SORCS3: variants seen among roughly 807,000 people sequenced by gnomAD.
SORCS3 encodes VPS10 domain-containing receptor SorCS3.
A neutral mutation model predicts 146.3 loss-of-function variants in SORCS3; 57 were observed. That is an observed-to-expected ratio of 0.39 (90% CI 0.31 to 0.49). The LOEUF (loss-of-function observed/expected upper bound fraction) is 0.49, where lower values mean the gene tolerates loss of function less well. Ranked by LOEUF, SORCS3 falls within the 20% of genes least tolerant of loss-of-function variation. SORCS3 has a pLI of 0.92. For synonymous variants in SORCS3, 653 were observed against 618.5 expected, an observed-to-expected ratio of 1.06 and a Z score of -0.83; for missense variants, 1,341 against 1,575.5, an observed-to-expected ratio of 0.85 and a Z score of 2.52.
chr10:105,117,011 C>A (rs940736187), intron 7 of SORCS3, among the ~76,000 whole-genome samples: 8 of 151,924 alleles, frequency 5.3e-5, no homozygotes, highest in African/African-American at 1.9e-4. Context: ...TATAACAAAC[C>A]TGTGCATGTA....
chr10:104,771,191 A>G (rs1231374022), intron 1 of SORCS3, among the ~76,000 whole-genome samples: 1 of 152,224 alleles, frequency 6.6e-6, no homozygotes, highest in Non-Finnish European at 1.5e-5. Context: ...GCAGACTCTC[A>G]GGCCCCACTC....
chr10:104,876,748 T>TTCC, intron 2 of SORCS3, among the ~76,000 whole-genome samples: 1 of 133,906 alleles, frequency 7.5e-6, no homozygotes, highest in African/African-American at 3.0e-5. Flanking sequence ...CCTTCCTTCC[T>TTCC]TTCTTTCTTT....
At chr10:104,830,486 G>A (rs915021897) in intron 1 of SORCS3, among the ~76,000 whole-genome samples, 4 of 152,104 alleles carry the variant, frequency 2.6e-5, no homozygotes, top group African/African-American at 7.2e-5. Flanking sequence ...CTGTGCTGCT[G>A]GTTACTGAGA....
At chr10:104,836,582 T>G (rs1230362809) in intron 1 of SORCS3, among the ~76,000 whole-genome samples, 1 of 152,194 alleles carries the variant, frequency 6.6e-6, no homozygotes, top group Admixed American at 6.5e-5. Context: ...ATTGTCACCT[T>G]ATTTATGGTG....
chr10:104,914,021 G>A (rs1157414473), intron 2 of SORCS3, among the ~76,000 whole-genome samples: 3 of 152,014 alleles, frequency 2.0e-5, no homozygotes, highest in East Asian at 1.9e-4. Context: ...CACCCACCTC[G>A]GCCTCCCAAA....
chr10:104,861,879 T>C (rs1303371343), intron 2 of SORCS3, among the ~76,000 whole-genome samples: 2 of 152,140 alleles, frequency 1.3e-5, no homozygotes, highest in Non-Finnish European at 2.9e-5. Flanking sequence ...CCCCAGCTCC[T>C]GGTGGTTTGC....
chr10:104,718,985 G>T (rs1281438828), intron 1 of SORCS3, among the ~76,000 whole-genome samples: 1 of 151,936 alleles, frequency 6.6e-6, no homozygotes, highest in Admixed American at 6.6e-5. Context: ...TCATAGCCAA[G>T]TTAAAAAAGG....
At chr10:104,953,737 T>A (rs1264916166) in intron 3 of SORCS3, among the ~76,000 whole-genome samples, 1 of 152,224 alleles carries the variant, frequency 6.6e-6, no homozygotes, top group African/African-American at 2.4e-5. Context: ...TATTACTGCA[T>A]TTAGACGTAT....
chr10:104,900,872 C>A, intron 2 of SORCS3, among the ~76,000 whole-genome samples: 1 of 120,640 alleles, frequency 8.3e-6, no homozygotes, highest in Non-Finnish European at 1.6e-5. Context: ...CCAGTGTGGG[C>A]GACAGAGCAA....
chr10:104,814,313 C>A, intron 1 of SORCS3, among the ~76,000 whole-genome samples: 1 of 152,174 alleles, frequency 6.6e-6, no homozygotes, highest in East Asian at 1.9e-4. Context: ...CTTTCCCACT[C>A]CAAAGGCACA....
intron 24 of SORCS3, 40 bp from the exon 25 acceptor site, chr10:105,256,779 A>G (rs2056933865): frequency 6.7e-7 from 1 of 1,497,506 alleles, no homozygotes; most frequent in Non-Finnish European, 9.3e-7. Flanking sequence ...CTTCCAAGTG[A>G]GCATATCTGT....
rs876599 is a variant in SORCS3 at position 105,095,154 on chromosome 10, G to A, written c.1093+5315G>A. Among the ~76,000 whole-genome samples, 62 of 152,256 alleles carry A rather than the reference G, an allele frequency of 4.1e-4. No homozygotes were observed. The South Asian group carries it at 0.011, about 26-fold the overall frequency. On this transcript the variant is annotated intron_variant, in intron 6 of 26. Coordinates refer to ENST00000369701, the MANE Select transcript of SORCS3 (RefSeq NM_014978.3). Reference sequence around the variant, plus strand: ...ATTTAAGATACAGGAAGAGATAGATGAAAAGCTAGGACTCATTTCAGCTCA... The same window carrying A: ...ATTTAAGATACAGGAAGAGATAGATAAAAAGCTAGGACTCATTTCAGCTCA...
chr10:104,813,387 G>T (rs1209412151), intron 1 of SORCS3, among the ~76,000 whole-genome samples: 1 of 152,150 alleles, frequency 6.6e-6, no homozygotes, highest in Admixed American at 6.5e-5. Context: ...ACAAGACTCA[G>T]TCACCCCTAC....
rs1589711765 is a variant in SORCS3 at position 105,252,629 on chromosome 10, G to C, written c.3106-146G>C. 7.9e-6 allele frequency: 7 copies of C among 887,892 alleles called. No individual in the cohort carries two copies. The East Asian group carries it at 1.8e-4, about 23-fold the overall frequency. The allele number at this position is 887,892 out of a possible 1,614,324, so 55.0% of individuals were successfully genotyped here. On this transcript the variant is annotated intron_variant, in intron 22 of 26. Coordinates refer to ENST00000369701, the MANE Select transcript of SORCS3 (RefSeq NM_014978.3). ...GGTCTAAGGGAAAAACTGAAAGAAAGCCTGAATGTATATTGGAGCCTGTGC... is the reference window on the plus strand; with the variant it reads ...GGTCTAAGGGAAAAACTGAAAGAAACCCTGAATGTATATTGGAGCCTGTGC...
At chr10:104,647,204 C>T (rs753684558) in intron 1 of SORCS3, among the ~76,000 whole-genome samples, 2 of 152,052 alleles carry the variant, frequency 1.3e-5, no homozygotes, top group African/African-American at 2.4e-5. Flanking sequence ...ATGTATGTCC[C>T]GGGTCTACTT....
intron 1 of SORCS3, among the ~76,000 whole-genome samples, chr10:104,792,616 G>A (rs951100411): frequency 6.6e-6 from 1 of 152,114 alleles, no homozygotes; most frequent in African/African-American, 2.4e-5. Context: ...CCTGCTTCGG[G>A]AAGTAAAATT....
At chr10:104,888,596 TG>T (rs2018717397) in intron 2 of SORCS3, among the ~76,000 whole-genome samples, 1 of 152,216 alleles carries the variant, frequency 6.6e-6, no homozygotes, top group Non-Finnish European at 1.5e-5. Flanking sequence ...AATAAAACCT[TG>T]GAAATGGCAG....
At chr10:104,888,703 A>G (rs781288239) in intron 2 of SORCS3, among the ~76,000 whole-genome samples, 3 of 152,184 alleles carry the variant, frequency 2.0e-5, no homozygotes, top group Non-Finnish European at 2.9e-5. Flanking sequence ...ATAGAGAAAA[A>G]CAAAATCAGT....
At chr10:104,891,087 T>A (rs772646149) in intron 2 of SORCS3, among the ~76,000 whole-genome samples, 4 of 152,206 alleles carry the variant, frequency 2.6e-5, no homozygotes, top group Non-Finnish European at 5.9e-5. Context: ...TTGGAAACAG[T>A]TGAATTCTTA....
Sources: allele counts gnomAD v4.1 joint callset (sites outside exome capture counted in the v4.1 genomes callset), GRCh38; gene constraint gnomAD v4.1.1; transcripts MANE v1.5; gene names NCBI Gene and HGNC (gene_info 2026-07-23, HGNC 2026-07-21).